The following NRDE2 variants were observed in gnomAD, a reference collection of about 807,000 sequenced individuals.
NRDE2 encodes the protein nuclear exosome regulator NRDE2.
NRDE2 carries 76 observed loss-of-function variants against 124.2 expected under a neutral mutation model. The ratio of observed to expected loss-of-function variants is 0.61; its 90% CI spans 0.51 to 0.74. The LOEUF (loss-of-function observed/expected upper bound fraction) is 0.74, where lower values mean the gene tolerates loss of function less well. Ranked by LOEUF, NRDE2 falls within the 30% of genes least tolerant of loss-of-function variation. The pLI is 0.00. For synonymous variants in NRDE2, 489 were observed against 528.1 expected, an observed-to-expected ratio of 0.93 and a Z score of 1.01; for missense variants, 1,314 against 1,417.3, an observed-to-expected ratio of 0.93 and a Z score of 1.17.
rs1217818088 is a variant in NRDE2 at position 90,301,369 on chromosome 14, A to G, written c.1415T>C (p.Leu472Pro). 1.9e-6 allele frequency: 3 copies of G among 1,613,714 alleles called. No homozygotes were observed. The African/African-American group carries it at 4.0e-5, about 22-fold the overall frequency. Residue 472 changes from leucine to proline, a missense_variant, in exon 7 of 14, where the codon CTC (leucine) becomes CCC (proline). Coordinates refer to ENST00000354366, the MANE Select transcript of NRDE2 (RefSeq NM_017970.4). ...LPGTEEAMFA[L>P]FLQQCHFLRQ... ...CAGAAAGTGGCACTGCTGAAGAAAG[A>G]GTGCTGCGAACAGGAGGGCAAAGGG...
chr14:90,298,598 C>G (rs1346512886), intron 7 of NRDE2, among the ~76,000 whole-genome samples: 1 of 152,188 alleles, frequency 6.6e-6, no homozygotes, highest in Non-Finnish European at 1.5e-5. Flanking sequence ...GACCCTACCT[C>G]TGCCTTGTGG....
chr14:90,303,355 C>T (rs1479696983), intron 5 of NRDE2, among the ~76,000 whole-genome samples: 2 of 152,216 alleles, frequency 1.3e-5, no homozygotes, highest in Non-Finnish European at 2.9e-5. Flanking sequence ...GCTTTGATTT[C>T]TGCATCAATG....
Position 90,286,372 on chromosome 14 carries a change from C to T in NRDE2, c.3279G>A (p.Arg1093=), listed in dbSNP as rs1892101427. ...TTCTTACCAGAAAGTTCAAATACAT[C>T]CTCCACAGCAAGGGGCACTGGCTGC... The part of the protein sequence containing the change: ...DSGSQCPLLW[R]MYLNFLVSLG... Residue 1093 remains arginine (R), a synonymous_variant, in exon 12 of 14, where the codon AGG becomes AGA. Transcript: ENST00000354366. The T allele has an allele frequency of 3.1e-6, 5 of 1,613,782 alleles. No individual in the cohort carries two copies. Among genetic ancestry groups the T allele is most frequent in the South Asian group, 1.1e-5 (1 of 91,028 alleles).
At chr14:90,289,202 C>T (rs1892203340) in intron 10 of NRDE2, 57 bp from the exon 11 acceptor site, 8 of 1,410,020 alleles carry the variant, frequency 5.7e-6, no homozygotes, top group Non-Finnish European at 7.8e-6. Flanking sequence ...GCGTCCTCTG[C>T]TGCCAACTGT....
At chr14:90,297,505 G>A (rs906405015) in intron 8 of NRDE2, among the ~76,000 whole-genome samples, 2 of 152,050 alleles carry the variant, frequency 1.3e-5, no homozygotes, top group Non-Finnish European at 2.9e-5. Flanking sequence ...AAAGTATTTG[G>A]GGGTCATTTA....
intron 8 of NRDE2, among the ~76,000 whole-genome samples, chr14:90,295,356 C>A (rs1004275587): frequency 1.3e-5 from 2 of 152,006 alleles, no homozygotes; most frequent in Admixed American, 1.3e-4. Context: ...TATATATTAG[C>A]ATAATGTATA....
chr14:90,269,766 G>C lies in NRDE2; in HGVS notation c.*8570C>G. 2.2e-6 allele frequency: 1 copy of C among 455,046 alleles called. No individual in the cohort carries two copies. The highest frequency in any genetic ancestry group is 3.9e-5 in the Admixed American group (1 of 25,396). 28.2% of individuals were successfully genotyped at this position (455,046 alleles called of 1,614,324 possible). On this transcript the variant is annotated 3_prime_UTR_variant, in exon 14 of 14. Coordinates refer to ENST00000354366, the MANE Select transcript of NRDE2 (RefSeq NM_017970.4). The stretch of plus-strand genomic sequence containing the variant: ...CCTTTGAATTCCAGTCTTATGTCTT[G>C]TCTTTTCTTTTCCATAACATTCCCT...
chr14:90,330,245 A>C (rs1885632441), intron 1 of NRDE2, among the ~76,000 whole-genome samples: 1 of 99,216 alleles, frequency 1.0e-5, no homozygotes, highest in South Asian at 2.9e-4. Flanking sequence ...AAAAAGAAGT[A>C]ATTAATCCTG....
intron 3 of NRDE2, among the ~76,000 whole-genome samples, chr14:90,315,033 C>T (rs553023204): frequency 7.2e-5 from 11 of 151,762 alleles, no homozygotes; most frequent in East Asian, 3.9e-4. Context: ...AAAAATTAGC[C>T]GGGCGTGGTG....
Position 90,269,496 on chromosome 14 carries a change from TATC to T in NRDE2, c.*8837_*8839del. 6.2e-7 allele frequency: 1 copy of T among 1,614,026 alleles called. No homozygotes were observed. Among genetic ancestry groups the T allele is most frequent in the Non-Finnish European group, 8.5e-7 (1 of 1,179,972 alleles). ...TTGATTCTAGGGGAGATGTGAAAGT[TATC>T]ATGGCCACAAACCGAATAGAAACTT... On this transcript the variant is annotated 3_prime_UTR_variant, in exon 14 of 14. Coordinates refer to ENST00000354366, the MANE Select transcript of NRDE2 (RefSeq NM_017970.4).
In NRDE2 at chr14:90,276,072, A is replaced by G. The variant is rs1891796102; in HGVS notation, c.*2264T>C. 4 of 152,106 alleles carry G rather than the reference A, an allele frequency of 2.6e-5. No homozygotes were observed. The highest frequency in any genetic ancestry group is 2.6e-4 in the Admixed American group (4 of 15,266). 9.4% of individuals were successfully genotyped at this position (152,106 alleles called of 1,614,324 possible). ...GATGTGATCAGTGACTCCTTCGGGG[A>G]AATGACGAGCGTTCCTGATGAAACA... On this transcript the variant is annotated 3_prime_UTR_variant, in exon 14 of 14. Transcript: ENST00000354366.
chr14:90,285,401 C>G (rs995476757), intron 12 of NRDE2, among the ~76,000 whole-genome samples: 6 of 149,130 alleles, frequency 4.0e-5, no homozygotes, highest in Non-Finnish European at 7.4e-5. Context: ...TCCCGCGTTC[C>G]AGCGATTCTC....
intron 1 of NRDE2, among the ~76,000 whole-genome samples, chr14:90,328,049 A>G (rs895158400): frequency 4.6e-5 from 7 of 152,052 alleles, no homozygotes; most frequent in Non-Finnish European, 2.9e-5. Context: ...AGGCTGAGGC[A>G]GGAAAATGGC....
At chr14:90,325,087 T>C (rs1377619801) in intron 1 of NRDE2, among the ~76,000 whole-genome samples, 1 of 151,954 alleles carries the variant, frequency 6.6e-6, no homozygotes, top group East Asian at 1.9e-4. Flanking sequence ...ACTAAAGAAT[T>C]GAATGGGTGG....
rs1302614584 is a variant in NRDE2 at position 90,288,634 on chromosome 14, T to C, written c.2741A>G (p.Gln914Arg). ...AGCATCAATCCCTATGGTCAAATAC[T>C]GGAAGAGCATGAAGCATTTAGCCAG... Reference protein sequence around the residue: ...ISLAKCFMLFQYLTIGIDAAV... With the variant: ...ISLAKCFMLFRYLTIGIDAAV... Residue 914 changes from glutamine to arginine, a missense_variant, in exon 11 of 14, where the codon CAG (glutamine) becomes CGG (arginine). Transcript: ENST00000354366. The C allele has an allele frequency of 6.2e-7, 1 of 1,614,144 alleles. No homozygotes were observed. Among genetic ancestry groups the C allele is most frequent in the Admixed American group, 1.7e-5 (1 of 60,018 alleles).
chr14:90,296,207 C>T (rs1006964271), intron 8 of NRDE2, among the ~76,000 whole-genome samples: 3 of 152,186 alleles, frequency 2.0e-5, no homozygotes, highest in Non-Finnish European at 4.4e-5. Flanking sequence ...AACACAGACC[C>T]ATGCTAAGTC....
chr14:90,296,025 A>G (rs1412810700), intron 8 of NRDE2, among the ~76,000 whole-genome samples: 5 of 152,204 alleles, frequency 3.3e-5, no homozygotes, highest in Admixed American at 2.6e-4. Flanking sequence ...TGACCATTAG[A>G]TATCTGGAAA....
rs1319605025 is a variant in NRDE2, at chr14:90,268,434, T to C, written c.*9902A>G. 1 of 1,612,650 alleles carries C rather than the reference T, an allele frequency of 6.2e-7. No individual in the cohort carries two copies. The highest frequency in any genetic ancestry group is 1.1e-5 in the South Asian group (1 of 90,980). ...AAAAGGTAGACTTTCTCATACTTATTTTGCCTTGTTTAGTAGGGAACACCG... is the reference window on the plus strand; with the variant it reads ...AAAAGGTAGACTTTCTCATACTTATCTTGCCTTGTTTAGTAGGGAACACCG... On this transcript the variant is annotated 3_prime_UTR_variant, in exon 14 of 14. Transcript: ENST00000354366.
chr14:90,297,455 T>C lies in NRDE2; in HGVS notation c.1666+805A>G, dbSNP rs549333377. The stretch of plus-strand genomic sequence containing the variant: ...GAAATTACACAAGAGGCTCACATTA[T>C]ATTTCTATTGGGCAGCTCTGTATTA... On this transcript the variant is annotated intron_variant, in intron 8 of 13. Transcript: ENST00000354366. Among the ~76,000 whole-genome samples the C allele has an allele frequency of 7.9e-5, 12 of 152,328 alleles. No individual in the cohort carries two copies. The South Asian group carries it at 2.5e-3, about 32-fold the overall frequency.
Sources: gnomAD v4.1 joint callset for allele counts (sites outside exome capture counted in the v4.1 genomes callset) on GRCh38, gnomAD v4.1.1 for gene constraint, MANE v1.5 for transcripts, NCBI Gene and HGNC (gene_info 2026-07-23, HGNC 2026-07-21) for gene names.